The following TASOR2 variants were observed in gnomAD, a reference collection of about 807,000 sequenced individuals.
TASOR2 encodes the protein protein TASOR 2.
TASOR2 carries 84 observed loss-of-function variants against 199.5 expected under a neutral mutation model. That is an observed-to-expected ratio of 0.42 (90% CI 0.35 to 0.50). TASOR2 has a LOEUF of 0.50. TASOR2 is among the 20% of genes least tolerant of loss of function. TASOR2 has a pLI of 0.02. For synonymous variants in TASOR2, 1,103 were observed against 1,046.6 expected (o/e 1.05, Z -1.04); for missense variants, 2,796 against 2,835.9 (o/e 0.99, Z 0.32).
rs1331406659 is a variant in TASOR2, at chr10:5,690,183, C to T, written c.-288+5008C>T. ...TACTTTATTATTACTCTACAAATAA[C>T]CAGCTTTTGCTTTTATTGCTTGGCT... On this transcript the variant is annotated intron_variant, in intron 1 of 20. Coordinates refer to ENST00000328090, the Ensembl canonical transcript of TASOR2. This position sits in a 1 kb window ranked among gnomAD's most constrained non-coding sequence, Gnocchi z 4.8. Among the ~76,000 whole-genome samples the T allele has an allele frequency of 6.6e-6, 1 of 152,122 alleles. No individual in the cohort carries two copies. The highest frequency in any genetic ancestry group is 1.5e-5 in the Non-Finnish European group (1 of 68,008).
At chr10:5,756,854 G>A in intron 16 of TASOR2, 116 bp downstream of exon 17, 2 of 1,120,782 alleles carry the variant, frequency 1.8e-6, no homozygotes, top group Non-Finnish European at 2.5e-6. Context: ...ATTACTGTTG[G>A]GCCTTTAAGT....
chr10:5,757,684 A>G lies in TASOR2; in HGVS notation c.6886+11A>G. The G allele has an allele frequency of 1.2e-6, 2 of 1,610,908 alleles. No homozygotes were observed. The highest frequency in any genetic ancestry group is 1.7e-6 in the Non-Finnish European group (2 of 1,179,000). ...AAGCTGTAACATTAGGTTGGTCTTT[A>G]TTTTCTTTTCCTGTTTCTTTGAAGT... On this transcript the variant is annotated intron_variant, in intron 17 of 20. Coordinates refer to ENST00000328090, the Ensembl canonical transcript of TASOR2.
At chr10:5,755,796 GGCCA>G in intron 15 of TASOR2, among the ~76,000 whole-genome samples, 2 of 152,032 alleles carry the variant, frequency 1.3e-5, no homozygotes, top group Middle Eastern at 3.4e-3. Flanking sequence ...CACTGCTTGA[GGCCA>G]GCCTGAGCAA....
intron 2 of TASOR2, among the ~76,000 whole-genome samples, chr10:5,713,313 T>G (rs1214474571): frequency 6.6e-6 from 1 of 152,178 alleles, no homozygotes; most frequent in Non-Finnish European, 1.5e-5. Flanking sequence ...TCATGTAACT[T>G]AATAAACTTT....
At chr10:5,712,967 A>G (rs1666095330) in intron 2 of TASOR2, 49 bp downstream of exon 2, 2 of 887,326 alleles carry the variant, frequency 2.3e-6, no homozygotes, top group Admixed American at 8.6e-5. Flanking sequence ...AGTCTTAAGT[A>G]TTGTGGTACT....
In TASOR2 at chr10:5,706,270, G is replaced by A. The variant is rs189266291; in HGVS notation, c.-287-6553G>A. 2.6e-5 allele frequency among the ~76,000 whole-genome samples: 4 copies of A among 152,242 alleles called. No individual in the cohort carries two copies. Among genetic ancestry groups the A allele is most frequent in the Admixed American group, 2.0e-4 (3 of 15,286 alleles). On this transcript the variant is annotated intron_variant, in intron 1 of 20. Transcript: ENST00000328090. The surrounding 1 kb of genome is among the most constrained non-coding windows in gnomAD (Gnocchi z 4.8). ...GCTTTGTAGTAATTCTCAAAATCAG[G>A]TAGTGAGTCCTTCAGCTTTGTTCTT...
chr10:5,744,061 A>T (rs1836812979), intron 14 of TASOR2: 3 of 152,230 alleles, frequency 2.0e-5, no homozygotes, highest in Non-Finnish European at 4.4e-5. Flanking sequence ...TAGAAGCATT[A>T]CACTTTACCT....
rs1025341156 is a variant in TASOR2, at chr10:5,752,120, G to A, written c.6606+2093G>A. Among the ~76,000 whole-genome samples, 2 of 152,112 alleles carry A rather than the reference G, an allele frequency of 1.3e-5. No homozygotes were observed. The highest frequency in any genetic ancestry group is 4.8e-5 in the African/African-American group (2 of 41,424). ...CCTCCCCCTACCCTTGCAGCAGAAAGCTCCATTCAGATGTCAGCAGTCCTG... is the reference window on the plus strand; with the variant it reads ...CCTCCCCCTACCCTTGCAGCAGAAAACTCCATTCAGATGTCAGCAGTCCTG... On this transcript the variant is annotated intron_variant, in intron 15 of 20. Transcript: ENST00000328090. The surrounding 1 kb of genome is among the most constrained non-coding windows in gnomAD (Gnocchi z 4.4).
rs539918423 is a variant in TASOR2, at chr10:5,690,527, G to A, written c.-288+5352G>A. Among the ~76,000 whole-genome samples the A allele has an allele frequency of 1.5e-4, 23 of 152,292 alleles. No homozygotes were observed. Among genetic ancestry groups the A allele is most frequent in the African/African-American group, 4.6e-4 (19 of 41,546 alleles). ...TTTATCTGTGCCCAGGACATTTTGC[G>A]TGGGCTACGTGTAGAGGTGGTGGCC... On this transcript the variant is annotated intron_variant, in intron 1 of 20. Coordinates refer to ENST00000328090, the Ensembl canonical transcript of TASOR2. The surrounding 1 kb of genome is among the most constrained non-coding windows in gnomAD (Gnocchi z 4.8).
chr10:5,749,152 C>T (rs775223571), exon 15 of TASOR2: 31 of 1,405,578 alleles, frequency 2.2e-5, no homozygotes, highest in Non-Finnish European at 1.3e-5. Context: ...GTGTGTGCCG[C>T]CTTACGTCCA....
chr10:5,725,390 C>CAAAAAAAAAAA (rs59186946), intron 8 of TASOR2, among the ~76,000 whole-genome samples: 1 of 78,962 alleles, frequency 1.3e-5, no homozygotes, highest in African/African-American at 6.1e-5. Context: ...GACTCCATCT[C>CAAAAAAAAAAA]AAAAAAAAAA....
Position 5,720,115 on chromosome 10 carries a change from G to T in TASOR2, c.-99-429G>T. 1 of 323,264 alleles carries T rather than the reference G, an allele frequency of 3.1e-6. No homozygotes were observed. Among genetic ancestry groups the T allele is most frequent in the Non-Finnish European group, 4.4e-6 (1 of 224,760 alleles). The allele number at this position is 323,264 out of a possible 1,614,324, so 20.0% of individuals were successfully genotyped here. A position where few individuals can be genotyped will look rare whatever the true frequency, so the allele number is the denominator to read the frequency against. On this transcript the variant is annotated intron_variant, in intron 3 of 20. Transcript: ENST00000328090. The surrounding 1 kb of genome is among the most constrained non-coding windows in gnomAD (Gnocchi z 5.3). ...AACTATTTTTGGCCTTAAGATAATT[G>T]TTTTTCTAAGAAGTATAGTTCTTAA...
chr10:5,720,007 T>G lies in TASOR2; in HGVS notation c.-99-537T>G, dbSNP rs1040180791. 2.6e-5 allele frequency among the ~76,000 whole-genome samples: 4 copies of G among 152,234 alleles called. No homozygotes were observed. The highest frequency in any genetic ancestry group is 4.8e-5 in the African/African-American group (2 of 41,456). Reference sequence around the variant, plus strand: ...TGATTCGTATATTTCTTTGATATTGTGATAAAAACTATGGATATTTGTCTC... The same window carrying G: ...TGATTCGTATATTTCTTTGATATTGGGATAAAAACTATGGATATTTGTCTC... On this transcript the variant is annotated intron_variant, in intron 3 of 20. Transcript: ENST00000328090. This position sits in a 1 kb window ranked among gnomAD's most constrained non-coding sequence, Gnocchi z 5.3.
chr10:5,697,456 C>T (rs775076485), intron 1 of TASOR2, among the ~76,000 whole-genome samples: 1 of 152,110 alleles, frequency 6.6e-6, no homozygotes. Context: ...GTCTCGTATA[C>T]CTGGCTAAGA....
intron 15 of TASOR2, among the ~76,000 whole-genome samples, chr10:5,755,989 C>T (rs1256566434): frequency 1.3e-5 from 2 of 150,392 alleles, no homozygotes; most frequent in Middle Eastern, 3.4e-3. Flanking sequence ...GAGACCATGT[C>T]TCAAAAAAAA....
chr10:5,721,986 A>T (rs1833416657), intron 6 of TASOR2, among the ~76,000 whole-genome samples: 1 of 152,246 alleles, frequency 6.6e-6, no homozygotes, highest in South Asian at 2.1e-4. Context: ...AAGGAGACTA[A>T]AGAGACGTGA....
rs959256142 is a variant in TASOR2, at chr10:5,710,642, G to T, written c.-287-2181G>T. Among the ~76,000 whole-genome samples the T allele has an allele frequency of 5.9e-5, 9 of 152,066 alleles. No homozygotes were observed. The highest frequency in any genetic ancestry group is 2.2e-4 in the African/African-American group (9 of 41,444). On this transcript the variant is annotated intron_variant, in intron 1 of 20. Transcript: ENST00000328090. This position sits in a 1 kb window ranked among gnomAD's most constrained non-coding sequence, Gnocchi z 4.6. ...GTGCATTATGATGCTCAAAAATGAGGACGTATGTAACTTAAATCTGTGCCT... is the reference window on the plus strand; with the variant it reads ...GTGCATTATGATGCTCAAAAATGAGTACGTATGTAACTTAAATCTGTGCCT...
rs567848438 is a variant in TASOR2 at position 5,716,877 on chromosome 10, C to T, written c.-191-782C>T. ...TTGCAGTGAGCCGAGATCAACAGAGCGAGACTGTCTCTAAATATAAATGTA... is the reference window on the plus strand; with the variant it reads ...TTGCAGTGAGCCGAGATCAACAGAGTGAGACTGTCTCTAAATATAAATGTA... On this transcript the variant is annotated intron_variant, in intron 2 of 20. Coordinates refer to ENST00000328090, the Ensembl canonical transcript of TASOR2. Among the ~76,000 whole-genome samples, 12 of 150,202 alleles carry T rather than the reference C, an allele frequency of 8.0e-5. No individual in the cohort carries two copies. In the Middle Eastern group the frequency reaches 0.011, roughly 133 times the overall value.
At chr10:5,697,560 G>A (rs1837310963) in intron 1 of TASOR2, among the ~76,000 whole-genome samples, 1 of 152,116 alleles carries the variant, frequency 6.6e-6, no homozygotes, top group Non-Finnish European at 1.5e-5. Context: ...TGCTAATAAA[G>A]TACTCCTAGA....
Sources: allele counts gnomAD v4.1 joint callset (sites outside exome capture counted in the v4.1 genomes callset), GRCh38; gene constraint gnomAD v4.1.1; non-coding constraint Gnocchi (gnomAD v3.1); transcripts MANE v1.5; gene names NCBI Gene and HGNC (gene_info 2026-07-23, HGNC 2026-07-21).